Variants in CCBE1 observed in about 807,000 individuals in gnomAD.
The protein encoded by CCBE1 is collagen and calcium-binding EGF domain-containing protein 1.
CCBE1 carries 37 observed loss-of-function variants against 50.0 expected under a neutral mutation model. The ratio of observed to expected loss-of-function variants is 0.74; its 90% confidence interval spans 0.57 to 0.97. The LOEUF (loss-of-function observed/expected upper bound fraction) is 0.97. Ranked by LOEUF, CCBE1 falls within the 50% of genes least tolerant of loss-of-function variation. CCBE1 has a pLI of 0.00. For synonymous variants in CCBE1, 234 were observed against 203.7 expected, an observed-to-expected ratio of 1.15 and a Z score of -1.27; for missense variants, 538 against 523.8, an observed-to-expected ratio of 1.03 and a Z score of -0.26.
At position 59,647,098 on chromosome 18, in the gene CCBE1, CAAG is replaced by C. The variant is rs1490730614; in HGVS notation, c.212+49528_212+49530del. ...TAAAGCAAAAAGCTGATGCTACACT[CAAG>C]AAAATCTTAGTAATAGTTTCCCAGA... On this transcript the variant is annotated intron_variant, in intron 2 of 10. Coordinates refer to ENST00000439986, the MANE Select transcript of CCBE1 (RefSeq NM_133459.4). Among the ~76,000 whole-genome samples, 3 of 152,334 alleles carry C rather than the reference CAAG, an allele frequency of 2.0e-5. No homozygotes were observed. The East Asian group carries it at 5.8e-4, about 29-fold the overall frequency.
chr18:59,686,314 C>T (rs763144575), intron 2 of CCBE1, among the ~76,000 whole-genome samples: 11 of 152,168 alleles, frequency 7.2e-5, no homozygotes, highest in Admixed American at 4.6e-4. Flanking sequence ...GTCCTCCCTT[C>T]CTTTAAGTGC....
chr18:59,612,827 TTTTTTTTTGTTTTTGTTTTTG>T (rs2053590242), intron 2 of CCBE1, among the ~76,000 whole-genome samples: 2 of 90,762 alleles, frequency 2.2e-5, no homozygotes, highest in Admixed American at 1.2e-4. Flanking sequence ...TTTTTTTTTG[TTTTTTTTTGTTTTTGTTTTTG>T]TTTTTTTTAA....
At chr18:59,456,735 C>G (rs541970070) in intron 5 of CCBE1, among the ~76,000 whole-genome samples, 2 of 152,300 alleles carry the variant, frequency 1.3e-5, no homozygotes, top group Admixed American at 6.5e-5. Flanking sequence ...CACATGCAGG[C>G]AAAACTTCCT....
At chr18:59,667,619 G>A (rs1370228027) in intron 2 of CCBE1, among the ~76,000 whole-genome samples, 1 of 152,146 alleles carries the variant, frequency 6.6e-6, no homozygotes, top group East Asian at 1.9e-4. Context: ...CCACCGCTCT[G>A]GAGAAAGTTG....
chr18:59,566,197 T>C lies in CCBE1; in HGVS notation c.213-85959A>G, dbSNP rs556911735. ...TGGTTTCCACATCATTCTACCACAG[T>C]ATCATTTTCTTTCCACCCACAGGGT... On this transcript the variant is annotated intron_variant, in intron 2 of 10. Transcript: ENST00000439986. 3.3e-5 allele frequency among the ~76,000 whole-genome samples: 5 copies of C among 152,336 alleles called. No individual in the cohort carries two copies. In the South Asian group the frequency reaches 1.0e-3, roughly 32 times the overall value.
At chr18:59,644,534 T>TA (rs2054030452) in intron 2 of CCBE1, among the ~76,000 whole-genome samples, 1 of 152,254 alleles carries the variant, frequency 6.6e-6, no homozygotes, top group African/African-American at 2.4e-5. Flanking sequence ...CAGTCACACT[T>TA]ACCATTACTT....
intron 3 of CCBE1, among the ~76,000 whole-genome samples, chr18:59,470,513 G>T (rs1336483330): frequency 6.6e-6 from 1 of 152,152 alleles, no homozygotes; most frequent in Non-Finnish European, 1.5e-5. Context: ...CATCCTGGGG[G>T]GTTGATCTCT....
chr18:59,444,634 C>T (rs1910593453), intron 7 of CCBE1, among the ~76,000 whole-genome samples: 2 of 152,016 alleles, frequency 1.3e-5, no homozygotes, highest in African/African-American at 2.4e-5. Flanking sequence ...TTCTACCCCT[C>T]AGCCTCCTGA....
intron 2 of CCBE1, among the ~76,000 whole-genome samples, chr18:59,594,172 C>T (rs2053317034): frequency 6.6e-6 from 1 of 152,244 alleles, no homozygotes; most frequent in African/African-American, 2.4e-5. Flanking sequence ...ACCTATCCTC[C>T]TCCTTAAAAA....
In CCBE1 at chr18:59,603,748, C is replaced by T. The variant is rs1345371398; in HGVS notation, c.212+92881G>A. 2.0e-5 allele frequency among the ~76,000 whole-genome samples: 3 copies of T among 152,182 alleles called. No individual in the cohort carries two copies. In the East Asian group the frequency reaches 5.8e-4, roughly 29 times the overall value. Reference sequence around the variant, plus strand: ...CACACCAATTTTATTTTAGGAGAAACAGTACCTCTTATCCTTTTTAAAATA... The same window carrying T: ...CACACCAATTTTATTTTAGGAGAAATAGTACCTCTTATCCTTTTTAAAATA... On this transcript the variant is annotated intron_variant, in intron 2 of 10. Transcript: ENST00000439986.
rs1009555677 is a variant in CCBE1, at chr18:59,432,728, T to G, written c.*3180A>C. ...TTTTGCTGGAGAATATTATCTGGAA[T>G]AGTTTCATGAAACCCAGACAATACT... On this transcript the variant is annotated 3_prime_UTR_variant, in exon 11 of 11. Transcript: ENST00000439986. 1.3e-5 allele frequency: 2 copies of G among 152,208 alleles called. No individual in the cohort carries two copies. Among genetic ancestry groups the G allele is most frequent in the African/African-American group, 4.8e-5 (2 of 41,446 alleles). The allele number at this position is 152,208 out of a possible 1,614,324, so 9.4% of individuals were successfully genotyped here.
chr18:59,529,891 C>T (rs1462755743), intron 2 of CCBE1, among the ~76,000 whole-genome samples: 1 of 152,154 alleles, frequency 6.6e-6, no homozygotes, highest in Non-Finnish European at 1.5e-5. Flanking sequence ...TGCTCTCAAA[C>T]CTATACTGTC....
intron 2 of CCBE1, among the ~76,000 whole-genome samples, chr18:59,497,566 G>A (rs4940883): frequency 0.28 from 42,284 of 152,068 alleles, 6,088 homozygotes; most frequent in Middle Eastern, 0.35. Context: ...GCAGAGAGAA[G>A]GCCACAGAAA....
chr18:59,682,330 A>C (rs563048466), intron 2 of CCBE1, among the ~76,000 whole-genome samples: 1 of 152,258 alleles, frequency 6.6e-6, no homozygotes, highest in Admixed American at 6.5e-5. Context: ...ATGCCACTGC[A>C]CTCCAGCCTG....
At chr18:59,468,790 G>T (rs1191624620) in intron 4 of CCBE1, among the ~76,000 whole-genome samples, 2 of 151,876 alleles carry the variant, frequency 1.3e-5, no homozygotes, top group Non-Finnish European at 2.9e-5. Context: ...TGCACGTCTG[G>T]ACCCACTCTC....
intron 4 of CCBE1, 107 bp downstream of exon 4, chr18:59,469,366 C>T (rs1911910935): frequency 6.8e-7 from 1 of 1,463,278 alleles, no homozygotes; most frequent in Admixed American, 1.7e-5. Flanking sequence ...TAATATCAAA[C>T]ACAACTCCAT....
At chr18:59,678,543 T>C (rs1248178732) in intron 2 of CCBE1, among the ~76,000 whole-genome samples, 3 of 150,102 alleles carry the variant, frequency 2.0e-5, no homozygotes, top group Non-Finnish European at 3.0e-5. Context: ...AAAAATTATA[T>C]GTATTTTGAG....
At chr18:59,455,666 C>T (rs1434865662) in intron 5 of CCBE1, among the ~76,000 whole-genome samples, 1 of 152,260 alleles carries the variant, frequency 6.6e-6, no homozygotes. Context: ...TCTCTTCTTC[C>T]TGGCACTGGA....
chr18:59,689,656 T>G (rs1253526215), intron 2 of CCBE1, among the ~76,000 whole-genome samples: 1 of 152,222 alleles, frequency 6.6e-6, no homozygotes, highest in Non-Finnish European at 1.5e-5. Context: ...ATGCCTTCTT[T>G]AAAACTCTGC....
Sources: allele counts gnomAD v4.1 joint callset (sites outside exome capture counted in the v4.1 genomes callset), GRCh38; gene constraint gnomAD v4.1.1; transcripts MANE v1.5; gene names NCBI Gene and HGNC (gene_info 2026-07-23, HGNC 2026-07-21).